FAM222A: variants seen among roughly 807,000 people sequenced by gnomAD.
FAM222A encodes the protein protein FAM222A.
FAM222A carries 7 observed loss-of-function variants against 25.8 expected under a neutral mutation model. The observed-to-expected ratio is 0.27, with a 90% CI of 0.15 to 0.51. FAM222A has a LOEUF of 0.51. Among genes scored for constraint, FAM222A ranks in the 20% least tolerant of loss-of-function variants. FAM222A has a pLI of 0.97. For missense variants in FAM222A, 573 were observed against 640.5 expected (o/e 0.89, Z 1.14); for synonymous variants, 294 against 298.8 (o/e 0.98, Z 0.17).
chr12:109,719,039 C>T (rs1302819736), intron 1 of FAM222A, among the ~76,000 whole-genome samples: 2 of 152,176 alleles, frequency 1.3e-5, no homozygotes, highest in African/African-American at 4.8e-5. Context: ...GATGGGGAAA[C>T]GGAGACCCTG....
In FAM222A at chr12:109,726,829, G is replaced by A. The variant is rs1298917854; in HGVS notation, c.-47+11932G>A. Among the ~76,000 whole-genome samples, 5 of 152,070 alleles carry A rather than the reference G, an allele frequency of 3.3e-5. No individual in the cohort carries two copies. The East Asian group carries it at 9.7e-4, about 29-fold the overall frequency. On this transcript the variant is annotated intron_variant, in intron 1 of 2. Transcript: ENST00000538780. ...CCTGGCCAGGCCCCAGGGGACTCCC[G>A]CCAACCCCCATCCGCCCTTGCCTTG...
intron 1 of FAM222A, among the ~76,000 whole-genome samples, chr12:109,718,223 T>C (rs546100470): frequency 2.0e-5 from 3 of 152,296 alleles, no homozygotes; most frequent in African/African-American, 4.8e-5. Context: ...GAGCCAAAGG[T>C]TGAAGACCCC....
Position 109,754,454 on chromosome 12 carries a change from A to C in FAM222A, c.82+10226A>C, listed in dbSNP as rs556016520. Among the ~76,000 whole-genome samples, 4 of 152,312 alleles carry C rather than the reference A, an allele frequency of 2.6e-5. No individual in the cohort carries two copies. The East Asian group carries it at 7.7e-4, about 29-fold the overall frequency. ...TACAAATGCAACCGTACTCCTTGAC[A>C]GCAGAGGTTGGCAAACATTTTCTGC... On this transcript the variant is annotated intron_variant, in intron 2 of 2. Coordinates refer to ENST00000538780, the MANE Select transcript of FAM222A (RefSeq NM_032829.3).
In FAM222A at chr12:109,768,290, C is replaced by A. The variant is rs776293773; in HGVS notation, c.361C>A (p.Pro121Thr). The A allele has an allele frequency of 1.9e-6, 3 of 1,606,824 alleles. No homozygotes were observed. The highest frequency in any genetic ancestry group is 2.5e-6 in the Non-Finnish European group (3 of 1,177,528). ...CTCCAGCACGGCCGCACCAGCTGGGCCCGCCAAAAGTGTGCTCAAGAGCGC... is the reference window on the plus strand; with the variant it reads ...CTCCAGCACGGCCGCACCAGCTGGGACCGCCAAAAGTGTGCTCAAGAGCGC... ...SSSSTAAPAG[P>T]AKSVLKSAEG... The change falls in exon 3 of 3, where the codon CCC becomes ACC. Residue 121 changes from proline to threonine, a missense_variant. Physicochemically the swap from Pro to Thr is conservative, Grantham distance 38. Coordinates refer to ENST00000538780, the MANE Select transcript of FAM222A (RefSeq NM_032829.3).
intron 2 of FAM222A, among the ~76,000 whole-genome samples, chr12:109,757,846 C>T (rs751211150): frequency 8.6e-5 from 13 of 152,040 alleles, no homozygotes; most frequent in Non-Finnish European, 1.6e-4. Context: ...CTGGAGAAGG[C>T]GAGAGATGAG....
In FAM222A at chr12:109,768,350, G is replaced by A. The variant is rs764817979; in HGVS notation, c.421G>A (p.Val141Met). The A allele has an allele frequency of 1.1e-5, 18 of 1,595,956 alleles. No individual in the cohort carries two copies. Among genetic ancestry groups the A allele is most frequent in the Admixed American group, 5.1e-5 (3 of 58,674 alleles). Residue 141 changes from valine (V) to methionine (M), a missense_variant, in exon 3 of 3, where the codon GTG becomes ATG. Physicochemically the swap from Val to Met is conservative, Grantham distance 21. Coordinates refer to ENST00000538780, the MANE Select transcript of FAM222A (RefSeq NM_032829.3). ...GCGGACCAAGCTGTCACCGGCCGCC[G>A]TGCAGGTGGGCATTGCGCCCTACCC... The part of the protein sequence containing the change: ...GKRTKLSPAA[V>M]QVGIAPYPVP...
In FAM222A at chr12:109,721,222, A is replaced by G. The variant is rs751775217; in HGVS notation, c.-47+6325A>G. Among the ~76,000 whole-genome samples the G allele has an allele frequency of 3.5e-4, 53 of 152,094 alleles. 1 individual carries two copies. Among genetic ancestry groups the G allele is most frequent in the Non-Finnish European group, 1.5e-4 (10 of 68,016 alleles). ...GCCCACAGAACCCCCTTCATTATCC[A>G]CACAAGCTTTTGCCTCTTCACTGCC... On this transcript the variant is annotated intron_variant, in intron 1 of 2. Coordinates refer to ENST00000538780, the MANE Select transcript of FAM222A (RefSeq NM_032829.3).
At chr12:109,736,479 G>A (rs1367324149) in intron 1 of FAM222A, among the ~76,000 whole-genome samples, 1 of 152,198 alleles carries the variant, frequency 6.6e-6, no homozygotes, top group African/African-American at 2.4e-5. Context: ...ACATCCGGAT[G>A]TGAAGTCGGG....
At chr12:109,749,008 A>G (rs1431558179) in intron 2 of FAM222A, among the ~76,000 whole-genome samples, 2 of 152,050 alleles carry the variant, frequency 1.3e-5, no homozygotes, top group African/African-American at 2.4e-5. Context: ...TAGTATTTTC[A>G]TTATTATTAT....
At chr12:109,719,985 CCT>C (rs770263518) in intron 1 of FAM222A, 56 of 538,880 alleles carry the variant, frequency 1.0e-4, no homozygotes, top group Non-Finnish European at 1.3e-4. Flanking sequence ...TTATTTTACC[CCT>C]CTGTGCCTCA....
At chr12:109,746,166 G>C (rs1888394438) in intron 2 of FAM222A, among the ~76,000 whole-genome samples, 1 of 152,044 alleles carries the variant, frequency 6.6e-6, no homozygotes, top group South Asian at 2.1e-4. Context: ...AATTCCCCCA[G>C]GTTTCTTATA....
intron 2 of FAM222A, among the ~76,000 whole-genome samples, chr12:109,756,693 T>C (rs1226503680): frequency 6.6e-6 from 1 of 152,240 alleles, no homozygotes; most frequent in Non-Finnish European, 1.5e-5. Context: ...ATTCCTGGGA[T>C]AAGTCCCACT....
intron 1 of FAM222A, among the ~76,000 whole-genome samples, chr12:109,743,797 T>A (rs911846839): frequency 6.6e-6 from 1 of 152,058 alleles, no homozygotes; most frequent in South Asian, 2.1e-4. Flanking sequence ...TCTCACCCAG[T>A]TGGGGGCATC....
intron 1 of FAM222A, chr12:109,734,796 A>C (rs1442660431): frequency 6.6e-6 from 1 of 152,040 alleles, no homozygotes; most frequent in African/African-American, 2.4e-5. Context: ...CTGTGGCCGG[A>C]TGACATGGAG....
In FAM222A at chr12:109,768,871, G is replaced by A; in HGVS notation, c.942G>A (p.Glu314=). ...SGSTVASKSP[E]ACGGRAYERA... is the part of the protein sequence containing the mutation. ...GCACGGTGGCCAGCAAGTCCCCTGA[G>A]GCTTGCGGGGGCCGGGCATACGAGC... The change falls in exon 3 of 3, where the codon GAG becomes GAA. Residue 314 remains glutamate (E), a synonymous_variant. Coordinates refer to ENST00000538780, the MANE Select transcript of FAM222A (RefSeq NM_032829.3). 2 of 1,582,720 alleles carry A rather than the reference G, an allele frequency of 1.3e-6. No individual in the cohort carries two copies. The highest frequency in any genetic ancestry group is 1.7e-6 in the Non-Finnish European group (2 of 1,171,700).
chr12:109,735,276 G>T (rs1052588772), intron 1 of FAM222A, among the ~76,000 whole-genome samples: 11 of 152,160 alleles, frequency 7.2e-5, no homozygotes, highest in African/African-American at 2.7e-4. Context: ...CTCTTCCGTG[G>T]GGCTTTCCTG....
At chr12:109,720,267 C>CCCCTGCTAT in intron 1 of FAM222A, 1 of 826,592 alleles carries the variant, frequency 1.2e-6, no homozygotes, top group South Asian at 5.5e-5. Flanking sequence ...CCGAGACTAG[C>CCCCTGCTAT]TGTGAACAGG....
At position 109,770,106 on chromosome 12, in the gene FAM222A, C is replaced by T. The variant is rs1224480876; in HGVS notation, c.*818C>T. On this transcript the variant is annotated 3_prime_UTR_variant, in exon 3 of 3. Transcript: ENST00000538780. ...AAGGGGCGTCATTTTCCTGTTCGCACAAAGGCACCACAGGGGCTAACAGTG... is the reference window on the plus strand; with the variant it reads ...AAGGGGCGTCATTTTCCTGTTCGCATAAAGGCACCACAGGGGCTAACAGTG... 6.6e-6 allele frequency: 1 copy of T among 152,316 alleles called. No individual in the cohort carries two copies. The highest frequency in any genetic ancestry group is 1.5e-5 in the Non-Finnish European group (1 of 68,060). 9.4% of individuals were successfully genotyped at this position (152,316 alleles called of 1,614,324 possible).
chr12:109,761,977 C>A (rs2136380100), intron 2 of FAM222A, among the ~76,000 whole-genome samples: 1 of 152,202 alleles, frequency 6.6e-6, no homozygotes, highest in East Asian at 1.9e-4. Context: ...GCTTCCCCAG[C>A]TGTGCCAGGT....
Sources: gnomAD v4.1 joint callset for allele counts (sites outside exome capture counted in the v4.1 genomes callset) on GRCh38, gnomAD v4.1.1 for gene constraint, MANE v1.5 for transcripts, NCBI Gene and HGNC (gene_info 2026-07-23, HGNC 2026-07-21) for gene names.